PPP1R9A: variants seen among roughly 807,000 people sequenced by gnomAD.
PPP1R9A encodes the protein protein phosphatase 1 regulatory subunit 9A, also known as neurabin-1.
Under a neutral mutation model 141.9 loss-of-function variants are expected in PPP1R9A, and 59 were observed. The observed-to-expected ratio is 0.42, with a 90% CI of 0.34 to 0.52. The LOEUF is 0.52. Among genes scored for constraint, PPP1R9A ranks in the 20% least tolerant of loss-of-function variants. PPP1R9A has a pLI of 0.10. For synonymous variants in PPP1R9A, 500 were observed against 569.7 expected (o/e 0.88, Z 1.74); for missense variants, 1,444 against 1,611.9 (o/e 0.90, Z 1.78).
In PPP1R9A at chr7:95,024,062, C is replaced by T. The variant is rs138129308; in HGVS notation, c.1396-87197C>T. Among the ~76,000 whole-genome samples, 162 of 152,246 alleles carry T rather than the reference C, an allele frequency of 1.1e-3. 2 individuals carry two copies. The South Asian group carries it at 0.013, about 12-fold the overall frequency. The stretch of plus-strand genomic sequence containing the variant: ...TTTACCCAGTAGTCCTTTAGTAGCA[C>T]GTTGTTCAGTTTCCATGTAATTGTG... On this transcript the variant is annotated intron_variant, in intron 2 of 19. Transcript: ENST00000433360.
At chr7:95,010,236 G>C (rs1464792545) in intron 2 of PPP1R9A, among the ~76,000 whole-genome samples, 1 of 151,840 alleles carries the variant, frequency 6.6e-6, no homozygotes, top group Non-Finnish European at 1.5e-5. Context: ...TACAAATAAT[G>C]ATAATAATAA....
chr7:95,097,238 C>A (rs867797709), intron 2 of PPP1R9A, among the ~76,000 whole-genome samples: 9 of 152,096 alleles, frequency 5.9e-5, no homozygotes, highest in African/African-American at 1.9e-4. Context: ...GTTGGCCAGG[C>A]TGGTCCTGAA....
At chr7:95,163,149 G>T (rs1830680642) in intron 5 of PPP1R9A, among the ~76,000 whole-genome samples, 1 of 152,140 alleles carries the variant, frequency 6.6e-6, no homozygotes, top group Non-Finnish European at 1.5e-5. Context: ...AATGAAATAG[G>T]TAAGATATAC....
intron 2 of PPP1R9A, among the ~76,000 whole-genome samples, chr7:94,954,756 T>G (rs1414372616): frequency 6.6e-6 from 1 of 151,590 alleles, no homozygotes; most frequent in East Asian, 1.9e-4. Context: ...ATTTGTTTTG[T>G]CCCCTCCACT....
intron 4 of PPP1R9A, among the ~76,000 whole-genome samples, chr7:95,143,635 C>T (rs1827085823): frequency 6.6e-6 from 1 of 152,148 alleles, no homozygotes; most frequent in South Asian, 2.1e-4. Context: ...TTCAGTTTTC[C>T]TCCTTATGAA....
intron 2 of PPP1R9A, among the ~76,000 whole-genome samples, chr7:95,092,522 G>C (rs555572790): frequency 6.6e-6 from 1 of 152,180 alleles, no homozygotes; most frequent in African/African-American, 2.4e-5. Flanking sequence ...CTGAAATCTT[G>C]AACAGCTGTT....
At chr7:95,058,144 T>G (rs1375585760) in intron 2 of PPP1R9A, among the ~76,000 whole-genome samples, 1 of 152,200 alleles carries the variant, frequency 6.6e-6, no homozygotes, top group Non-Finnish European at 1.5e-5. Flanking sequence ...ATTGGTCTTT[T>G]GTTCCTTTGT....
intron 8 of PPP1R9A, 122 bp from the exon 9 acceptor site, chr7:95,247,351 C>A (rs1252214072): frequency 2.9e-6 from 2 of 681,744 alleles, no homozygotes; most frequent in Non-Finnish European, 5.0e-6. Flanking sequence ...TTACAACTTG[C>A]TGCACTGCAG....
At chr7:95,272,695 CT>C (rs1268885207) in intron 14 of PPP1R9A, among the ~76,000 whole-genome samples, 1 of 152,136 alleles carries the variant, frequency 6.6e-6, no homozygotes, top group Non-Finnish European at 1.5e-5. Flanking sequence ...TGTGTGTGTA[CT>C]TCATGTTTTT....
intron 5 of PPP1R9A, among the ~76,000 whole-genome samples, chr7:95,197,243 T>G (rs1350267453): frequency 6.6e-6 from 1 of 152,164 alleles, no homozygotes; most frequent in Non-Finnish European, 1.5e-5. Flanking sequence ...AAGTAATACT[T>G]AGAAACTGCA....
chr7:95,125,479 G>T (rs572588509), intron 4 of PPP1R9A, among the ~76,000 whole-genome samples: 2 of 152,010 alleles, frequency 1.3e-5, no homozygotes, highest in Non-Finnish European at 2.9e-5. Flanking sequence ...TAATTTTTGG[G>T]ATTGCACAGA....
rs549307986 is a variant in PPP1R9A at position 95,218,841 on chromosome 7, T to C, written c.1957-7120T>C. ...GCTTAGTGGATCTTCCTCCATCCCT[T>C]TGTTTTGAGCCTATGTGTGTCTCTG... On this transcript the variant is annotated intron_variant, in intron 7 of 19. Coordinates refer to ENST00000433360, the MANE Select transcript of PPP1R9A (RefSeq NM_001166160.2). Among the ~76,000 whole-genome samples, 17 of 152,334 alleles carry C rather than the reference T, an allele frequency of 1.1e-4. No individual in the cohort carries two copies. The East Asian group carries it at 3.3e-3, about 29-fold the overall frequency.
At chr7:95,268,450 C>A in intron 12 of PPP1R9A, 100 bp from the exon 13 acceptor site, 1 of 1,347,342 alleles carries the variant, frequency 7.4e-7, no homozygotes, top group South Asian at 1.4e-5. Flanking sequence ...TGATCCTTAC[C>A]TGATGTTACT....
chr7:95,222,430 A>G (rs1446911821), intron 7 of PPP1R9A, among the ~76,000 whole-genome samples: 5 of 152,038 alleles, frequency 3.3e-5, no homozygotes, highest in African/African-American at 1.2e-4. Context: ...CCCATATCCC[A>G]TAGTTGTTGA....
intron 7 of PPP1R9A, among the ~76,000 whole-genome samples, chr7:95,220,240 T>C (rs1794218039): frequency 6.6e-6 from 1 of 152,082 alleles, no homozygotes; most frequent in South Asian, 2.1e-4. Flanking sequence ...TTTTAAACAT[T>C]AAAATGTGAG....
chr7:95,088,994 G>A (rs1816981489), intron 2 of PPP1R9A, among the ~76,000 whole-genome samples: 1 of 151,996 alleles, frequency 6.6e-6, no homozygotes, highest in African/African-American at 2.4e-5. Flanking sequence ...TGAGGAAGAT[G>A]TGGGCCTAAA....
Position 95,029,653 on chromosome 7 carries a change from TATATC to T in PPP1R9A, c.1396-81603_1396-81599del, listed in dbSNP as rs755305894. 9.8e-5 allele frequency among the ~76,000 whole-genome samples: 15 copies of T among 152,312 alleles called. No homozygotes were observed. In the East Asian group the frequency reaches 2.5e-3, roughly 25 times the overall value. On this transcript the variant is annotated intron_variant, in intron 2 of 19. Coordinates refer to ENST00000433360, the MANE Select transcript of PPP1R9A (RefSeq NM_001166160.2). ...AAAGAACTATTAGGGATAGGAGACT[TATATC>T]ATGCTACTGCTGGAATTATTGTAAT...
chr7:95,161,450 G>C (rs1830452763), intron 4 of PPP1R9A, among the ~76,000 whole-genome samples: 1 of 152,136 alleles, frequency 6.6e-6, no homozygotes, highest in Non-Finnish European at 1.5e-5. Flanking sequence ...GTGATTCTTT[G>C]TAAGACCTCA....
chr7:95,081,940 A>G (rs1215738326), intron 2 of PPP1R9A, among the ~76,000 whole-genome samples: 2 of 152,174 alleles, frequency 1.3e-5, no homozygotes, highest in African/African-American at 4.8e-5. Context: ...ACAGCCTGAA[A>G]TCACGGTGAA....
Sources: allele counts gnomAD v4.1 joint callset (sites outside exome capture counted in the v4.1 genomes callset), GRCh38; gene constraint gnomAD v4.1.1; transcripts MANE v1.5; gene names NCBI Gene and HGNC (gene_info 2026-07-23, HGNC 2026-07-21).